Variants in PIK3C2G observed in about 807,000 individuals in gnomAD.
The protein encoded by PIK3C2G is phosphatidylinositol 3-kinase C2 domain-containing subunit gamma.
PIK3C2G carries 168 observed loss-of-function variants against 181.1 expected under a neutral mutation model. The observed-to-expected ratio is 0.93, with a 90% CI of 0.82 to 1.05. PIK3C2G has a LOEUF of 1.05. Among genes scored for constraint, PIK3C2G ranks in the 50% least tolerant of loss-of-function variants. The pLI is 0.00. For missense variants in PIK3C2G, 1,869 were observed against 1,732.8 expected (o/e 1.08, Z -1.40); for synonymous variants, 573 against 592.2 (o/e 0.97, Z 0.47).
At chr12:18,343,470 C>CA in intron 10 of PIK3C2G, 110 bp downstream of exon 10, 2 of 413,732 alleles carry the variant, frequency 4.8e-6, no homozygotes, top group Non-Finnish European at 4.4e-6. Flanking sequence ...ACACACAACA[C>CA]ACACACACAC....
At chr12:18,361,953 A>G (rs1305912532) in intron 11 of PIK3C2G, among the ~76,000 whole-genome samples, 1 of 152,112 alleles carries the variant, frequency 6.6e-6, no homozygotes, top group Non-Finnish European at 1.5e-5. Context: ...GGACCTCTGG[A>G]ACAATAAGAA....
chr12:18,501,179 C>T (rs7309472), intron 22 of PIK3C2G, among the ~76,000 whole-genome samples: 1 of 152,170 alleles, frequency 6.6e-6, no homozygotes, highest in Non-Finnish European at 1.5e-5. Context: ...TCCGGACGCA[C>T]CTGGACTGGG....
the PIK3C2G span, among the ~76,000 whole-genome samples, chr12:18,670,586 G>A: frequency 6.6e-6 from 1 of 152,236 alleles, no homozygotes; most frequent in East Asian, 1.9e-4. Flanking sequence ...TTTCTGCAGG[G>A]TTAACTTCGT....
At chr12:18,367,444 G>A (rs905770696) in intron 12 of PIK3C2G, among the ~76,000 whole-genome samples, 1 of 152,122 alleles carries the variant, frequency 6.6e-6, no homozygotes, top group African/African-American at 2.4e-5. Context: ...TCTCACTCTA[G>A]TATTTTCTTT....
intron 23 of PIK3C2G, 31 bp downstream of exon 23, chr12:18,503,448 T>C (rs1320267599): frequency 6.7e-7 from 1 of 1,499,352 alleles, no homozygotes; most frequent in Non-Finnish European, 9.0e-7. Flanking sequence ...TTTTAAATAA[T>C]GTACTTAAAT....
intron 18 of PIK3C2G, among the ~76,000 whole-genome samples, chr12:18,444,559 G>A (rs1029521349): frequency 1.3e-5 from 2 of 151,952 alleles, no homozygotes; most frequent in African/African-American, 2.4e-5. Flanking sequence ...TGTAGAATGC[G>A]GATAATAGTA....
chr12:18,443,471 A>G (rs2135841279), intron 18 of PIK3C2G, among the ~76,000 whole-genome samples: 1 of 151,902 alleles, frequency 6.6e-6, no homozygotes, highest in Non-Finnish European at 1.5e-5. Context: ...TTTTCATTTT[A>G]CAGCACACAG....
intron 26 of PIK3C2G, among the ~76,000 whole-genome samples, chr12:18,547,046 T>C (rs1005976357): frequency 4.6e-5 from 7 of 151,982 alleles, no homozygotes; most frequent in Admixed American, 3.9e-4. Context: ...GCTCAATAAA[T>C]GTTAGCAGTA....
intron 24 of PIK3C2G, among the ~76,000 whole-genome samples, chr12:18,512,636 A>G (rs1006439516): frequency 1.3e-5 from 2 of 151,828 alleles, no homozygotes; most frequent in South Asian, 2.1e-4. Context: ...TGATTTTTGT[A>G]TGTTTGTTTT....
chr12:18,480,134 G>A (rs1232443554), intron 18 of PIK3C2G, among the ~76,000 whole-genome samples: 2 of 152,056 alleles, frequency 1.3e-5, no homozygotes, highest in African/African-American at 2.4e-5. Flanking sequence ...AAAGGGAGGT[G>A]GGATACAGGA....
chr12:18,402,615 G>C (rs958884263), intron 16 of PIK3C2G, among the ~76,000 whole-genome samples: 1 of 152,070 alleles, frequency 6.6e-6, no homozygotes, highest in African/African-American at 2.4e-5. Flanking sequence ...TTTCTAACAA[G>C]ATAACTTTCC....
chr12:18,378,870 G>A (rs1406202383), intron 13 of PIK3C2G, among the ~76,000 whole-genome samples: 1 of 152,170 alleles, frequency 6.6e-6, no homozygotes, highest in African/African-American at 2.4e-5. Flanking sequence ...AACAACAGGT[G>A]CTGGAGAGGA....
chr12:18,313,629 G>C (rs1950731546), intron 5 of PIK3C2G, among the ~76,000 whole-genome samples: 1 of 151,758 alleles, frequency 6.6e-6, no homozygotes, highest in South Asian at 2.1e-4. Context: ...CTTAGAATAT[G>C]CAAAGTCTTA....
At chr12:18,302,879 T>A (rs1950233202) in intron 5 of PIK3C2G, among the ~76,000 whole-genome samples, 1 of 152,014 alleles carries the variant, frequency 6.6e-6, no homozygotes, top group Admixed American at 6.5e-5. Context: ...GCAGGCTAAG[T>A]CTTTTGTCAG....
chr12:18,564,808 C>T (rs192644146), intron 28 of PIK3C2G, among the ~76,000 whole-genome samples: 1 of 152,246 alleles, frequency 6.6e-6, no homozygotes, highest in Non-Finnish European at 1.5e-5. Flanking sequence ...CCATGATACC[C>T]TACTAATTAA....
At chr12:18,626,668 A>C (rs1338558203) in intron 31 of PIK3C2G, among the ~76,000 whole-genome samples, 1 of 151,932 alleles carries the variant, frequency 6.6e-6, no homozygotes, top group Non-Finnish European at 1.5e-5. Context: ...TGAAAGACAG[A>C]TTTTCTGGGT....
intron 18 of PIK3C2G, among the ~76,000 whole-genome samples, chr12:18,476,395 AATC>A (rs1257792911): frequency 6.6e-6 from 1 of 152,162 alleles, no homozygotes; most frequent in Non-Finnish European, 1.5e-5. Flanking sequence ...GAGAGAAACA[AATC>A]ATGAAGTGCT....
intron 18 of PIK3C2G, among the ~76,000 whole-genome samples, chr12:18,438,900 A>AAT (rs145291278): frequency 0.011 from 1,645 of 151,944 alleles, 28 homozygotes; most frequent in African/African-American, 0.038. Context: ...TATATTGCAT[A>AAT]ATATATATAA....
At chr12:18,506,261 G>C (rs1941829098) in intron 24 of PIK3C2G, among the ~76,000 whole-genome samples, 1 of 152,158 alleles carries the variant, frequency 6.6e-6, no homozygotes, top group African/African-American at 2.4e-5. Context: ...ATGGGATGGA[G>C]AGGGGCGGGC....
Sources: gnomAD v4.1 joint callset for allele counts (sites outside exome capture counted in the v4.1 genomes callset) on GRCh38, gnomAD v4.1.1 for gene constraint, MANE v1.5 for transcripts, NCBI Gene and HGNC (gene_info 2026-07-23, HGNC 2026-07-21) for gene names.